Variants in METTL15 observed in about 807,000 individuals in gnomAD.
METTL15 encodes 12S rRNA N(4)-cytidine methyltransferase METTL15.
A neutral mutation model predicts 38.3 loss-of-function variants in METTL15; 34 were observed. The observed-to-expected ratio is 0.89, with a 90% confidence interval of 0.68 to 1.18. The LOEUF (loss-of-function observed/expected upper bound fraction) is 1.18. Ranked by LOEUF, METTL15 falls within the 50% of genes most tolerant of loss-of-function variation. The pLI is 0.00. For synonymous variants in METTL15, 162 were observed against 170.9 expected (o/e 0.95, Z 0.41); for missense variants, 438 against 498.4 (o/e 0.88, Z 1.15).
chr11:28,232,091 A>C (rs759895838), intron 4 of METTL15, among the ~76,000 whole-genome samples: 1 of 151,896 alleles, frequency 6.6e-6, no homozygotes, highest in Non-Finnish European at 1.5e-5. Flanking sequence ...AACCTTTAAA[A>C]ATATCCAGAC....
chr11:28,512,746 G>A (rs1851686668), intron 6 of METTL15, among the ~76,000 whole-genome samples: 1 of 152,246 alleles, frequency 6.6e-6, no homozygotes, highest in South Asian at 2.1e-4. Flanking sequence ...GAGGGAGCCA[G>A]CTCCAGCCTT....
At chr11:28,353,931 CAAAAAAA>C (rs374097845) in intron 4 of METTL15, among the ~76,000 whole-genome samples, 1 of 46,354 alleles carries the variant, frequency 2.2e-5, no homozygotes, top group Non-Finnish European at 4.4e-5. Flanking sequence ...GACTCCGTCT[CAAAAAAA>C]AAAAAAAAAA....
intron 4 of METTL15, among the ~76,000 whole-genome samples, chr11:28,237,241 A>G (rs554774429): frequency 6.6e-4 from 100 of 152,260 alleles, no homozygotes; most frequent in Non-Finnish European, 1.3e-3. Flanking sequence ...AGGTACACCA[A>G]TCAGATGCAG....
chr11:28,409,359 G>A (rs1197572449), intron 5 of METTL15, among the ~76,000 whole-genome samples: 2 of 126,622 alleles, frequency 1.6e-5, no homozygotes, highest in African/African-American at 2.9e-5. Context: ...TCCAGCCTGG[G>A]AGACAGAGCG....
intron 6 of METTL15, among the ~76,000 whole-genome samples, chr11:28,305,668 C>T (rs1177336888): frequency 6.6e-6 from 1 of 152,084 alleles, no homozygotes; most frequent in Non-Finnish European, 1.5e-5. Context: ...TCAAGGATGT[C>T]CCATACTCCC....
chr11:28,486,245 C>T (rs1360936265), intron 6 of METTL15, among the ~76,000 whole-genome samples: 1 of 152,084 alleles, frequency 6.6e-6, no homozygotes, highest in Non-Finnish European at 1.5e-5. Context: ...GGCTTTCCTG[C>T]ATCTTAGGCC....
chr11:28,469,986 A>G (rs1016229525), intron 6 of METTL15, among the ~76,000 whole-genome samples: 4 of 151,974 alleles, frequency 2.6e-5, no homozygotes, highest in Admixed American at 1.3e-4. Flanking sequence ...GTTAAACTCT[A>G]TTTTTTAATT....
intron 3 of METTL15, chr11:28,134,675 A>G (rs565996488): frequency 2.5e-6 from 1 of 398,230 alleles, no homozygotes; most frequent in South Asian, 1.3e-4. Flanking sequence ...GAAGAATGGC[A>G]TGTCCATGCA....
At chr11:28,109,679 G>A (rs1313259251) in intron 1 of METTL15, among the ~76,000 whole-genome samples, 1 of 152,128 alleles carries the variant, frequency 6.6e-6, no homozygotes, top group Non-Finnish European at 1.5e-5. Context: ...AAAATTGCAT[G>A]GATCATTGGT....
At chr11:28,203,848 T>A (rs1852207618) in intron 3 of METTL15, among the ~76,000 whole-genome samples, 1 of 152,038 alleles carries the variant, frequency 6.6e-6, no homozygotes, top group African/African-American at 2.4e-5. Flanking sequence ...AAAAACATGG[T>A]GCAAAAGAGT....
At chr11:28,342,088 A>G (rs1230269464) in intron 3 of METTL15, among the ~76,000 whole-genome samples, 3 of 152,130 alleles carry the variant, frequency 2.0e-5, no homozygotes, top group Non-Finnish European at 4.4e-5. Flanking sequence ...CATTTTCACC[A>G]TGTAAAAAAG....
intron 6 of METTL15, among the ~76,000 whole-genome samples, chr11:28,488,389 AAC>A (rs1038771789): frequency 6.6e-6 from 1 of 152,176 alleles, no homozygotes; most frequent in Admixed American, 6.6e-5. Flanking sequence ...TCTAAAGAAT[AAC>A]ACAACTCAGT....
chr11:28,458,584 A>T (rs1015561427), intron 6 of METTL15, among the ~76,000 whole-genome samples: 6 of 152,182 alleles, frequency 3.9e-5, no homozygotes, highest in Non-Finnish European at 8.8e-5. Flanking sequence ...TGCTATCTTC[A>T]TGAAGCTGCT....
intron 3 of METTL15, among the ~76,000 whole-genome samples, chr11:28,190,756 A>G (rs577430009): frequency 1.1e-4 from 17 of 151,436 alleles, no homozygotes; most frequent in Non-Finnish European, 2.1e-4. Flanking sequence ...GATGAGGGAG[A>G]CAATGTTTAC....
chr11:28,293,328 C>T (rs981815713), intron 5 of METTL15, among the ~76,000 whole-genome samples: 125 of 152,302 alleles, frequency 8.2e-4, no homozygotes, highest in Non-Finnish European at 1.5e-3. Flanking sequence ...TTCCCCATTT[C>T]TTGTTTTTGT....
At chr11:28,154,753 A>G (rs1339119547) in intron 3 of METTL15, among the ~76,000 whole-genome samples, 1 of 152,100 alleles carries the variant, frequency 6.6e-6, no homozygotes, top group African/African-American at 2.4e-5. Context: ...GTCAATTATA[A>G]TGCCTGATTA....
In METTL15 at chr11:28,195,949, A is replaced by G. The variant is rs755437553; in HGVS notation, c.271-15113A>G. ...TTCCAATTTTCATACCATTTCTTGA[A>G]TAGGGTGCCCCTTTCCCCAGTTTAC... is the stretch of plus-strand genomic sequence containing the variant. On this transcript the variant is annotated intron_variant, in intron 3 of 6. Transcript: ENST00000407364. Among the ~76,000 whole-genome samples, 6 of 152,112 alleles carry G rather than the reference A, an allele frequency of 3.9e-5. No homozygotes were observed. The South Asian group carries it at 8.3e-4, about 21-fold the overall frequency.
At position 28,489,532 on chromosome 11, in the gene METTL15, G is replaced by A. The variant is rs79034145; in HGVS notation, c.*425-36946G>A. Among the ~76,000 whole-genome samples the A allele has an allele frequency of 5.9e-3, 894 of 152,140 alleles. 9 individuals are homozygous for A. Among genetic ancestry groups the A allele is most frequent in the African/African-American group, 0.019 (806 of 41,514 alleles). On this transcript the variant is annotated intron_variant and NMD_transcript_variant, in intron 6 of 7. Transcript: ENST00000532947. ...AAAGAGTATAAATCCATAGGAGGGG[G>A]TCTGAAACTTATCACAGTATGAAGC...
At chr11:28,132,885 T>G (rs978030029) in intron 3 of METTL15, among the ~76,000 whole-genome samples, 3 of 152,186 alleles carry the variant, frequency 2.0e-5, no homozygotes, top group African/African-American at 7.2e-5. Flanking sequence ...TAATACTTAC[T>G]TACAAAATTG....
Sources: allele counts gnomAD v4.1 joint callset (sites outside exome capture counted in the v4.1 genomes callset), GRCh38; gene constraint gnomAD v4.1.1; transcripts MANE v1.5; gene names NCBI Gene and HGNC (gene_info 2026-07-23, HGNC 2026-07-21).